GRIA2: variants seen among roughly 807,000 people sequenced by gnomAD.
The protein encoded by GRIA2 is glutamate ionotropic receptor AMPA type subunit 2, also known as glutamate receptor 2.
GRIA2 carries 14 observed loss-of-function variants against 97.3 expected under a neutral mutation model. The ratio of observed to expected loss-of-function variants is 0.14; its 90% CI spans 0.10 to 0.23. The LOEUF is 0.23. Among genes scored for constraint, GRIA2 ranks in the 10% least tolerant of loss-of-function variants. The probability of loss-of-function intolerance (pLI) is 1.00; values close to 1 mark genes in which losing one functional copy is unlikely to be tolerated. For synonymous variants in GRIA2, 412 were observed against 387.8 expected, an observed-to-expected ratio of 1.06 and a Z score of -0.73; for missense variants, 558 against 1,069.8, an observed-to-expected ratio of 0.52 and a Z score of 6.67.
At chr4:157,354,422 T>A (rs890624321) in intron 12 of GRIA2, among the ~76,000 whole-genome samples, 2 of 152,202 alleles carry the variant, frequency 1.3e-5, no homozygotes, top group African/African-American at 4.8e-5. Flanking sequence ...TTCCTTTGAC[T>A]CTTTAAGGAT....
At chr4:157,327,512 G>A (rs56385436) in intron 6 of GRIA2, among the ~76,000 whole-genome samples, 11,161 of 152,078 alleles carry the variant, frequency 0.073, 547 homozygotes, top group South Asian at 0.11. Flanking sequence ...TTTTTTTAAA[G>A]AGAAAGAGTA....
chr4:157,359,995 C>T lies in GRIA2; in HGVS notation c.2143C>T (p.Arg715Trp). The T allele has an allele frequency of 6.2e-7, 1 of 1,613,782 alleles. No individual in the cohort carries two copies. The highest frequency in any genetic ancestry group is 8.5e-7 in the Non-Finnish European group (1 of 1,179,892). The change falls in exon 13 of 16, where the codon CGG becomes TGG. Residue 715 changes from arginine to tryptophan, a missense_variant. Coordinates refer to ENST00000264426, the MANE Select transcript of GRIA2 (RefSeq NM_001083619.3). ...RTTAEGVARVRKSKGKYAYLL... is the reference protein window; with the variant it reads ...RTTAEGVARVWKSKGKYAYLL... The stretch of plus-strand genomic sequence containing the variant: ...TACGGCCGAAGGGGTGGCTAGAGTG[C>T]GGAAGTCCAAAGGGAAATATGCCTA...
At position 157,243,128 on chromosome 4, in the gene GRIA2, G is replaced by C. The variant is rs894841024; in HGVS notation, c.229+21321G>C. 3.3e-5 allele frequency among the ~76,000 whole-genome samples: 5 copies of C among 152,134 alleles called. No individual in the cohort carries two copies. The Middle Eastern group carries it at 0.01, about 310-fold the overall frequency. Reference sequence around the variant, plus strand: ...TTGATCTCAGCTGGAGATGTGAGCTGGGTAACAATTTTTCACTGCTCTGCA... The same window carrying C: ...TTGATCTCAGCTGGAGATGTGAGCTCGGTAACAATTTTTCACTGCTCTGCA... On this transcript the variant is annotated intron_variant, in intron 2 of 15. Coordinates refer to ENST00000264426, the MANE Select transcript of GRIA2 (RefSeq NM_001083619.3).
chr4:157,230,519 C>T (rs1305056229), intron 2 of GRIA2, among the ~76,000 whole-genome samples: 1 of 148,718 alleles, frequency 6.7e-6, no homozygotes, highest in Admixed American at 6.7e-5. Context: ...TCCTTCTTTC[C>T]TTCCTTTCTT....
At chr4:157,257,732 A>G (rs778051024) in intron 2 of GRIA2, among the ~76,000 whole-genome samples, 4 of 152,106 alleles carry the variant, frequency 2.6e-5, no homozygotes, top group Non-Finnish European at 5.9e-5. Context: ...ACAATTGAAG[A>G]CTATGAAAAC....
chr4:157,256,120 G>A (rs1027008638), intron 2 of GRIA2, among the ~76,000 whole-genome samples: 1 of 123,840 alleles, frequency 8.1e-6, no homozygotes, highest in Non-Finnish European at 1.8e-5. Context: ...GCAAACTATT[G>A]AGAGCTGCTT....
intron 2 of GRIA2, among the ~76,000 whole-genome samples, chr4:157,277,856 ATATATATG>A (rs995705559): frequency 2.8e-5 from 4 of 143,434 alleles, no homozygotes; most frequent in South Asian, 2.1e-4. Flanking sequence ...GTATATATGT[ATATATATG>A]TATATATGTA....
intron 2 of GRIA2, among the ~76,000 whole-genome samples, chr4:157,224,443 G>A (rs1190886720): frequency 6.6e-6 from 1 of 152,082 alleles, no homozygotes; most frequent in Admixed American, 6.5e-5. Flanking sequence ...TGGGCAAATC[G>A]CTTAACATGT....
chr4:157,363,582 G>A lies in GRIA2; in HGVS notation c.*151G>A. The A allele has an allele frequency of 2.4e-6, 3 of 1,233,788 alleles. No individual in the cohort carries two copies. Among genetic ancestry groups the A allele is most frequent in the Non-Finnish European group, 2.0e-6 (2 of 987,664 alleles). 76.4% of individuals were successfully genotyped at this position (1,233,788 alleles called of 1,614,324 possible). A position where few individuals can be genotyped will look rare whatever the true frequency, so the allele number is the denominator to read the frequency against. On this transcript the variant is annotated 3_prime_UTR_variant, in exon 16 of 16. Coordinates refer to ENST00000264426, the MANE Select transcript of GRIA2 (RefSeq NM_001083619.3). ...TCCTGGCATGGGAATGAATGTCAGT[G>A]TGACTGATCTCTCGTGATTGATAAG...
At chr4:157,301,066 A>G (rs1733593718) in intron 2 of GRIA2, among the ~76,000 whole-genome samples, 1 of 152,228 alleles carries the variant, frequency 6.6e-6, no homozygotes, top group Admixed American at 6.5e-5. Flanking sequence ...ATATTCCTAT[A>G]GTACCTAGAT....
At chr4:157,267,187 AGGCTGAGGCAGGCG>A (rs1731809424) in intron 2 of GRIA2, among the ~76,000 whole-genome samples, 1 of 151,970 alleles carries the variant, frequency 6.6e-6, no homozygotes, top group South Asian at 2.1e-4. Context: ...GCACTTTGGG[AGGCTGAGGCAGGCG>A]GATCATGAGG....
intron 2 of GRIA2, among the ~76,000 whole-genome samples, chr4:157,302,948 G>A (rs1733679979): frequency 6.6e-6 from 1 of 152,092 alleles, no homozygotes; most frequent in East Asian, 1.9e-4. Flanking sequence ...TAGGTCCATG[G>A]GGAAGATTAA....
chr4:157,331,586 A>G (rs902277474), intron 6 of GRIA2, among the ~76,000 whole-genome samples: 1 of 152,032 alleles, frequency 6.6e-6, no homozygotes, highest in Non-Finnish European at 1.5e-5. Flanking sequence ...AGTGAAGCAG[A>G]TATATCTTGA....
chr4:157,362,294 C>CT, intron 14 of GRIA2: 1 of 432,538 alleles, frequency 2.3e-6, no homozygotes, highest in South Asian at 1.7e-5. Flanking sequence ...TCTTAGCCAT[C>CT]TTAGTACTTT....
At chr4:157,293,255 G>A (rs1733186998) in intron 2 of GRIA2, among the ~76,000 whole-genome samples, 2 of 152,140 alleles carry the variant, frequency 1.3e-5, no homozygotes. Context: ...GTATTCACAT[G>A]TTCACTGCAG....
At chr4:157,222,686 GGAGAAGTCGCT>G (rs1729557806) in intron 2 of GRIA2, among the ~76,000 whole-genome samples, 1 of 152,224 alleles carries the variant, frequency 6.6e-6, no homozygotes, top group Non-Finnish European at 1.5e-5. Context: ...TTGAAAATCT[GGAGAAGTCGCT>G]GATCAGCCAT....
chr4:157,295,394 A>G (rs1191334303), intron 2 of GRIA2, among the ~76,000 whole-genome samples: 1 of 152,104 alleles, frequency 6.6e-6, no homozygotes. Flanking sequence ...TATAGGGAAA[A>G]TCATCATTGA....
intron 2 of GRIA2, among the ~76,000 whole-genome samples, chr4:157,229,218 T>G (rs1272762055): frequency 6.6e-6 from 1 of 152,246 alleles, no homozygotes; most frequent in East Asian, 1.9e-4. Flanking sequence ...TCCTTATTTT[T>G]TCTTTTTAGG....
At chr4:157,251,167 A>G (rs1731001486) in intron 2 of GRIA2, among the ~76,000 whole-genome samples, 1 of 152,114 alleles carries the variant, frequency 6.6e-6, no homozygotes, top group Non-Finnish European at 1.5e-5. Context: ...AATAATAACT[A>G]GAGGAGAGAC....
Sources: allele counts gnomAD v4.1 joint callset (sites outside exome capture counted in the v4.1 genomes callset), GRCh38; gene constraint gnomAD v4.1.1; transcripts MANE v1.5; gene names NCBI Gene and HGNC (gene_info 2026-07-23, HGNC 2026-07-21).